Variants in ARHGAP6 observed in about 807,000 individuals in gnomAD.
ARHGAP6 encodes rho GTPase-activating protein 6.
In ARHGAP6, 16 loss-of-function variants were observed where a neutral mutation model predicts 55.7. The ratio of observed to expected loss-of-function variants is 0.29; its 90% CI spans 0.19 to 0.44. The LOEUF (loss-of-function observed/expected upper bound fraction) is 0.44, where lower values mean the gene tolerates loss of function less well. Among genes scored for constraint, ARHGAP6 ranks in the 20% least tolerant of loss-of-function variants. ARHGAP6 has a pLI of 1.00. For synonymous variants in ARHGAP6, 382 were observed against 360.9 expected (o/e 1.06, Z -0.66); for missense variants, 698 against 808.9 (o/e 0.86, Z 1.66).
intron 1 of ARHGAP6, among the ~76,000 whole-genome samples, chrX:11,511,228 A>G (rs1344469710): frequency 8.9e-6 from 1 of 112,259 alleles, no homozygotes; most frequent in Non-Finnish European, 1.9e-5. Flanking sequence ...GGGATTCTTG[A>G]GTAAATTGAT....
intron 1 of ARHGAP6, among the ~76,000 whole-genome samples, chrX:11,545,839 A>G (rs2051206754): frequency 9.0e-6 from 1 of 111,584 alleles, no homozygotes; most frequent in Non-Finnish European, 1.9e-5. Context: ...GCTTTCTACC[A>G]GTTTAAAAAA....
At chrX:11,241,006 G>A (rs890185914) in intron 2 of ARHGAP6, among the ~76,000 whole-genome samples, 12 of 105,987 alleles carry the variant, frequency 1.1e-4, no homozygotes, top group Non-Finnish European at 2.3e-4. Context: ...TGAGGCTGCA[G>A]TGAGCTATGA....
At chrX:11,245,301 G>T (rs933517294) in intron 2 of ARHGAP6, among the ~76,000 whole-genome samples, 2 of 111,875 alleles carry the variant, frequency 1.8e-5, no homozygotes, top group African/African-American at 6.5e-5. Context: ...CCCCACATAT[G>T]TATCTCCTTC....
chrX:11,198,950 A>C (rs1466024445), intron 2 of ARHGAP6, among the ~76,000 whole-genome samples: 1 of 112,271 alleles, frequency 8.9e-6, no homozygotes. Context: ...ATCAGATTTT[A>C]TTCATAGTTT....
chrX:11,354,297 C>CTT (rs2048901120), intron 1 of ARHGAP6, among the ~76,000 whole-genome samples: 18 of 28,747 alleles, frequency 6.3e-4, no homozygotes, highest in African/African-American at 7.2e-4. Context: ...CTCTCTCTTT[C>CTT]TCTCTCTCTC....
chrX:11,155,029 A>T (rs967250113), intron 10 of ARHGAP6, among the ~76,000 whole-genome samples: 1 of 112,046 alleles, frequency 8.9e-6, no homozygotes, highest in Admixed American at 9.5e-5. Context: ...GGATAATCCA[A>T]TTAAAAGGTC....
intron 1 of ARHGAP6, among the ~76,000 whole-genome samples, chrX:11,308,992 G>A (rs1603053682): frequency 8.9e-6 from 1 of 111,896 alleles, no homozygotes; most frequent in East Asian, 2.8e-4. Flanking sequence ...AACAGGCAGA[G>A]GCAGTGTGAC....
intron 1 of ARHGAP6, among the ~76,000 whole-genome samples, chrX:11,622,105 C>T (rs903416187): frequency 8.9e-6 from 1 of 111,996 alleles, no homozygotes; most frequent in South Asian, 3.7e-4. Context: ...TTAACACCCA[C>T]AGGCACTCAT....
At chrX:11,293,227 T>C (rs1357170491) in intron 1 of ARHGAP6, among the ~76,000 whole-genome samples, 6 of 112,691 alleles carry the variant, frequency 5.3e-5, no homozygotes, top group Non-Finnish European at 7.5e-5. Flanking sequence ...AAACCTATTA[T>C]TGCCCATAAT....
At chrX:11,409,920 C>T (rs1337602075) in intron 1 of ARHGAP6, among the ~76,000 whole-genome samples, 2 of 111,841 alleles carry the variant, frequency 1.8e-5, no homozygotes, top group Non-Finnish European at 3.8e-5. Flanking sequence ...CCAGTCTGGG[C>T]AACATAGCAA....
rs760263523 is a variant in ARHGAP6, at chrX:11,570,124, T to C, written c.588+94117A>G. Among the ~76,000 whole-genome samples, 13 of 111,780 alleles carry C rather than the reference T, an allele frequency of 1.2e-4. No individual in the cohort carries two copies. In the South Asian group the frequency reaches 4.9e-3, roughly 42 times the overall value. ...GGATGACTTTGAAAGTGACATTAAT[T>C]CTCATGAGCTATGACATTAAATTTA... On this transcript the variant is annotated intron_variant, in intron 1 of 12. Coordinates refer to ENST00000337414, the MANE Select transcript of ARHGAP6 (RefSeq NM_013427.3).
At chrX:11,474,424 C>T (rs776319781) in intron 1 of ARHGAP6, among the ~76,000 whole-genome samples, 16 of 112,016 alleles carry the variant, frequency 1.4e-4, no homozygotes, top group Admixed American at 7.6e-4. Flanking sequence ...TATAAGTGGA[C>T]CAAGGCATTG....
chrX:11,178,743 G>C (rs1008067214), intron 7 of ARHGAP6, among the ~76,000 whole-genome samples: 5 of 112,324 alleles, frequency 4.5e-5, no homozygotes, highest in African/African-American at 1.6e-4. Context: ...TCTCCGTTGT[G>C]ATCCTATTTG....
chrX:11,142,083 G>A (rs1265620185), intron 12 of ARHGAP6, 150 bp downstream of exon 12: 3 of 310,205 alleles, frequency 9.7e-6, no homozygotes, highest in Non-Finnish European at 1.7e-5. Flanking sequence ...TGGCATATTT[G>A]GGTGGAAAGC....
intron 1 of ARHGAP6, among the ~76,000 whole-genome samples, chrX:11,491,483 G>A (rs1050919609): frequency 1.1e-4 from 12 of 110,170 alleles, no homozygotes; most frequent in African/African-American, 3.7e-4. Context: ...TTCTTCTTGC[G>A]ATAGTTTACT....
intron 1 of ARHGAP6, among the ~76,000 whole-genome samples, chrX:11,278,178 C>T (rs181655931): frequency 8.1e-5 from 9 of 111,475 alleles, no homozygotes; most frequent in Non-Finnish European, 1.5e-4. Flanking sequence ...CCTAAGGTTT[C>T]CACACCCTGA....
intron 1 of ARHGAP6, among the ~76,000 whole-genome samples, chrX:11,514,562 A>G (rs1001728701): frequency 9.1e-6 from 1 of 110,090 alleles, no homozygotes; most frequent in African/African-American, 3.3e-5. Context: ...ATGTTGCCAA[A>G]TGTCCCCTGA....
intron 1 of ARHGAP6, among the ~76,000 whole-genome samples, chrX:11,288,232 C>T (rs1039793945): frequency 2.7e-5 from 3 of 111,906 alleles, no homozygotes; most frequent in Non-Finnish European, 5.6e-5. Flanking sequence ...AAAACATAAA[C>T]CCAGAATATA....
chrX:11,323,134 G>A (rs907395063), intron 1 of ARHGAP6, among the ~76,000 whole-genome samples: 4 of 111,952 alleles, frequency 3.6e-5, no homozygotes, highest in African/African-American at 9.7e-5. Context: ...CAATAATGTG[G>A]AATATTACAG....
Sources: gnomAD v4.1 joint callset for allele counts (sites outside exome capture counted in the v4.1 genomes callset) on GRCh38, gnomAD v4.1.1 for gene constraint, MANE v1.5 for transcripts, NCBI Gene and HGNC (gene_info 2026-07-23, HGNC 2026-07-21) for gene names.